The following ZNF398 variants were observed in gnomAD, a reference collection of about 807,000 sequenced individuals.
ZNF398 encodes the protein zinc finger protein 398.
ZNF398 carries 18 observed loss-of-function variants against 41.9 expected under a neutral mutation model. That is an observed-to-expected ratio of 0.43 (90% CI 0.30 to 0.64). The LOEUF is 0.64. ZNF398 is among the 30% of genes least tolerant of loss of function. The pLI, the probability that ZNF398 is intolerant of heterozygous loss-of-function variation, is 0.14. For synonymous variants in ZNF398, 260 were observed against 308.8 expected (o/e 0.84, Z 1.66); for missense variants, 669 against 822.8 (o/e 0.81, Z 2.29).
chr7:149,160,405 G>C (rs1795084744), intron 2 of ZNF398, among the ~76,000 whole-genome samples: 1 of 152,146 alleles, frequency 6.6e-6, no homozygotes, highest in Admixed American at 6.5e-5. Context: ...TTTATACTAG[G>C]AAGTGGGATT....
In ZNF398 at chr7:149,179,060, A is replaced by AC; in HGVS notation, c.1194dup (p.Thr399HisfsTer23). The AC allele has an allele frequency of 6.2e-7, 1 of 1,612,598 alleles. No individual in the cohort carries two copies. The highest frequency in any genetic ancestry group is 8.5e-7 in the Non-Finnish European group (1 of 1,179,660). ...CCTCCCAGGACCATGCCAGCGAGACACCCCCCACCTGCCCACACTGTGCCA... is the reference window on the plus strand; with the variant it reads ...CCTCCCAGGACCATGCCAGCGAGACACCCCCCCACCTGCCCACACTGTGCCA... On this transcript the variant is annotated frameshift_variant, in exon 6 of 6. Transcript: ENST00000475153. LOFTEE classifies it high-confidence loss of function. The surrounding 1 kb of genome is among the most constrained non-coding windows in gnomAD (Gnocchi z 6.1).
intron 4 of ZNF398, among the ~76,000 whole-genome samples, chr7:149,171,798 A>G (rs938783789): frequency 1.3e-5 from 2 of 152,226 alleles, no homozygotes; most frequent in African/African-American, 4.8e-5. Flanking sequence ...TCAGCCTCCC[A>G]AATAGCCTGT....
chr7:149,134,134 G>A lies in ZNF398; in HGVS notation c.-490+5190G>A, dbSNP rs192178659. ...GGGTGGAGTGCAATGGTGTGATCTC[G>A]GCTCACTGCAACCTCTGCCTCCCAG... On this transcript the variant is annotated intron_variant, in intron 2 of 6. Coordinates refer to the ZNF398 transcript ENST00000426851. Among the ~76,000 whole-genome samples, 135 of 141,614 alleles carry A rather than the reference G, an allele frequency of 9.5e-4. 1 individual carries two copies. The highest frequency in any genetic ancestry group is 2.9e-3 in the African/African-American group (111 of 37,766). The allele number at this position is 141,614 out of a possible 152,430, so 92.9% of individuals were successfully genotyped here. A position where few individuals can be genotyped will look rare whatever the true frequency, so the allele number is the denominator to read the frequency against.
chr7:149,130,191 G>A (rs1452439634), intron 2 of ZNF398, among the ~76,000 whole-genome samples: 1 of 152,144 alleles, frequency 6.6e-6, no homozygotes, highest in Non-Finnish European at 1.5e-5. Flanking sequence ...CACCTCTGGG[G>A]TTCAAGCGAC....
chr7:149,133,654 A>AATATATATATATATATATAT (rs146151029), intron 2 of ZNF398, among the ~76,000 whole-genome samples: 27 of 71,834 alleles, frequency 3.8e-4, no homozygotes, highest in African/African-American at 7.6e-4. Flanking sequence ...GTGTTTTTTA[A>AATATATATATATATATATAT]ATATATATAT....
At chr7:149,176,921 AG>A (rs986813878) in intron 5 of ZNF398, among the ~76,000 whole-genome samples, 6 of 152,186 alleles carry the variant, frequency 3.9e-5, no homozygotes, top group Non-Finnish European at 7.3e-5. Context: ...TGGGGAGACA[AG>A]CCCTGGAGAC....
chr7:149,143,643 G>A (rs758109121), upstream of ZNF398, among the ~76,000 whole-genome samples: 28 of 152,190 alleles, frequency 1.8e-4, no homozygotes, highest in East Asian at 3.9e-4. Context: ...GTGATACCTC[G>A]TCTCTACTTA....
rs1795581538 is a variant in ZNF398, at chr7:149,181,160, A to G, written c.*1359A>G. ...ACAATGAGGCTGTTGAAAGGAAAAA[A>G]AGTGAGCCTCTAGGAATTATTCAAA... On this transcript the variant is annotated 3_prime_UTR_variant, in exon 6 of 6. Coordinates refer to ENST00000475153, the MANE Select transcript of ZNF398 (RefSeq NM_170686.3). 6.6e-6 allele frequency: 1 copy of G among 152,638 alleles called. No individual in the cohort carries two copies. The highest frequency in any genetic ancestry group is 1.9e-4 in the East Asian group (1 of 5,206). The allele number at this position is 152,638 out of a possible 1,614,324, so 9.5% of individuals were successfully genotyped here.
chr7:149,127,023 CG>C (rs1424238962), intron 1 of ZNF398, among the ~76,000 whole-genome samples: 2 of 152,182 alleles, frequency 1.3e-5, no homozygotes, highest in East Asian at 3.9e-4. Flanking sequence ...GGATGCGGGC[CG>C]GGCACCCCTA....
chr7:149,154,068 G>T lies in ZNF398; in HGVS notation c.148G>T (p.Val50Leu), dbSNP rs765609403. 6.2e-7 allele frequency: 1 copy of T among 1,614,162 alleles called. No individual in the cohort carries two copies. The highest frequency in any genetic ancestry group is 8.5e-7 in the Non-Finnish European group (1 of 1,180,024). Reference protein sequence around the residue: ...AISLWTVVAAVQAIERKVEIH... With the variant: ...AISLWTVVAALQAIERKVEIH... ...CTCTCTGTGGACAGTGGTGGCCGCC[G>T]TGCAGGCTATAGAGAGGAAGGTGGA... The change falls in exon 2 of 6, where the codon GTG becomes TTG. Residue 50 changes from valine to leucine, a missense_variant. Physicochemically the swap from Val to Leu is conservative, Grantham distance 32. Around this residue, in one of 3 missense-constraint regions of ZNF398, gnomAD observed 169 missense variants for 239.5 expected, o/e 0.71. Transcript: ENST00000475153.
Position 149,147,601 on chromosome 7 carries a change from T to C in ZNF398, c.-142T>C. ...TCCCGAGCCCCGACGGCCGCGTGAG[T>C]CCCGTCCGTGCGGGGAAGGCAGGGC... On this transcript the variant is annotated 5_prime_UTR_variant, in exon 1 of 6. Coordinates refer to ENST00000475153, the MANE Select transcript of ZNF398 (RefSeq NM_170686.3). The surrounding 1 kb of genome is among the most constrained non-coding windows in gnomAD (Gnocchi z 5.6). 6.3e-6 allele frequency: 6 copies of C among 947,326 alleles called. No homozygotes were observed. The highest frequency in any genetic ancestry group is 6.8e-6 in the Non-Finnish European group (5 of 740,292). The allele number at this position is 947,326 out of a possible 1,614,324, so 58.7% of individuals were successfully genotyped here. A position where few individuals can be genotyped will look rare whatever the true frequency, so the allele number is the denominator to read the frequency against.
rs938858950 is a variant in ZNF398, at chr7:149,159,729, A to AT, written c.420+5400dup. On this transcript the variant is annotated intron_variant, in intron 2 of 5. Transcript: ENST00000475153. ...TAACTTTTCCTCAAAAAAAAAAAAA[A>AT]TTTTTTTTTTTGAGATGGAGTCTCA... 1.5e-4 allele frequency among the ~76,000 whole-genome samples: 22 copies of AT among 148,592 alleles called. 1 individual carries two copies. Among genetic ancestry groups the AT allele is most frequent in the Middle Eastern group, 3.5e-3 (1 of 288 alleles).
chr7:149,147,330 C>T (rs1826969643), upstream of ZNF398: 1 of 152,316 alleles, frequency 6.6e-6, no homozygotes, highest in African/African-American at 2.5e-5. This position sits in a 1 kb window ranked among gnomAD's most constrained non-coding sequence, Gnocchi z 5.6. Context: ...AGCCCAAGAG[C>T]TGGGGGGGAG....
At chr7:149,164,094 G>A (rs1374156493) in intron 2 of ZNF398, among the ~76,000 whole-genome samples, 104 of 135,012 alleles carry the variant, frequency 7.7e-4, no homozygotes, top group Middle Eastern at 9.3e-3. Context: ...CCTGGGTGAT[G>A]GAGCAAGACT....
In ZNF398 at chr7:149,147,721, C is replaced by T; in HGVS notation, c.-22C>T. ...CGGCAGCGGCGGCGACTTCCGAGGCCCGGGCTAGACAGCGCAGGGCCATGG... is the reference window on the plus strand; with the variant it reads ...CGGCAGCGGCGGCGACTTCCGAGGCTCGGGCTAGACAGCGCAGGGCCATGG... On this transcript the variant is annotated 5_prime_UTR_variant, in exon 1 of 6. Coordinates refer to ENST00000475153, the MANE Select transcript of ZNF398 (RefSeq NM_170686.3). The surrounding 1 kb of genome is among the most constrained non-coding windows in gnomAD (Gnocchi z 5.6). The T allele has an allele frequency of 7.7e-7, 1 of 1,302,426 alleles. No individual in the cohort carries two copies. The highest frequency in any genetic ancestry group is 2.3e-5 in the South Asian group (1 of 43,044). 80.7% of individuals were successfully genotyped at this position (1,302,426 alleles called of 1,614,324 possible). A position where few individuals can be genotyped will look rare whatever the true frequency, so the allele number is the denominator to read the frequency against.
intron 1 of ZNF398, among the ~76,000 whole-genome samples, chr7:149,148,762 C>G (rs560027641): frequency 3.9e-5 from 6 of 151,968 alleles, no homozygotes; most frequent in Non-Finnish European, 7.4e-5. Flanking sequence ...CCGCGGCCCC[C>G]AGGCCGCATG....
intron 2 of ZNF398, 62 bp downstream of exon 2, chr7:149,154,402 G>A (rs1794926834): frequency 1.4e-6 from 2 of 1,478,762 alleles, no homozygotes; most frequent in African/African-American, 2.8e-5. Flanking sequence ...TAGTAGTCTT[G>A]GTCATTCAGT....
chr7:149,127,651 A>G (rs901095100), intron 1 of ZNF398, among the ~76,000 whole-genome samples: 1 of 151,172 alleles, frequency 6.6e-6, no homozygotes, highest in Non-Finnish European at 1.5e-5. Context: ...CGGGAGGCGG[A>G]GCTTGCAGTG....
At chr7:149,142,275 T>C (rs1318107150) in intron 2 of ZNF398, among the ~76,000 whole-genome samples, 2 of 152,152 alleles carry the variant, frequency 1.3e-5, no homozygotes, top group Non-Finnish European at 2.9e-5. Context: ...GTTAATGAAA[T>C]ATTAAAAATG....
Sources: gnomAD v4.1 joint callset for allele counts (sites outside exome capture counted in the v4.1 genomes callset) on GRCh38, gnomAD v4.1.1 for gene constraint, gnomAD v4.1.1 regional missense constraint, Gnocchi (gnomAD v3.1) non-coding constraint, MANE v1.5 for transcripts, NCBI Gene and HGNC (gene_info 2026-07-23, HGNC 2026-07-21) for gene names.